MAGI1: variants seen among roughly 807,000 people sequenced by gnomAD.
MAGI1 encodes membrane associated guanylate kinase, WW and PDZ domain containing 1.
In MAGI1, 58 loss-of-function variants were observed where a neutral mutation model predicts 139.9. The ratio of observed to expected loss-of-function variants is 0.41; its 90% CI spans 0.34 to 0.52. The LOEUF is 0.52. MAGI1 is among the 20% of genes least tolerant of loss of function. The pLI is 0.12. For missense variants in MAGI1, 1,874 were observed against 1,901.6 expected (o/e 0.99, Z 0.27); for synonymous variants, 812 against 737.9 (o/e 1.10, Z -1.63).
Position 65,827,276 on chromosome 3 carries a change from T to G in MAGI1, c.314-205188A>C, listed in dbSNP as rs146329019. Among the ~76,000 whole-genome samples the G allele has an allele frequency of 6.0e-3, 917 of 152,264 alleles. 7 individuals are homozygous for G. Among genetic ancestry groups the G allele is most frequent in the Middle Eastern group, 0.014 (4 of 294 alleles). On this transcript the variant is annotated intron_variant, in intron 1 of 22. Transcript: ENST00000402939. ...CCAAGAGCCTAAGAGACTTTCAGAA[T>G]GTCGAAAGTTGATGCCAAATTGGGA... is the stretch of plus-strand genomic sequence containing the variant.
intron 1 of MAGI1, among the ~76,000 whole-genome samples, chr3:65,795,813 A>G (rs1386702026): frequency 1.3e-5 from 2 of 151,652 alleles, no homozygotes; most frequent in African/African-American, 4.8e-5. Flanking sequence ...CACTTTGGGA[A>G]GCCTAGGCAG....
At chr3:66,035,682 G>A (rs748719776) in intron 1 of MAGI1, among the ~76,000 whole-genome samples, 13 of 151,962 alleles carry the variant, frequency 8.6e-5, no homozygotes, top group Non-Finnish European at 1.8e-4. Context: ...GTAGATTCAC[G>A]TACATCCATC....
chr3:65,482,339 G>C (rs1024986934), intron 3 of MAGI1, among the ~76,000 whole-genome samples: 1 of 152,198 alleles, frequency 6.6e-6, no homozygotes, highest in African/African-American at 2.4e-5. Flanking sequence ...GCTACCTAAA[G>C]TTGCTATCAC....
intron 5 of MAGI1, among the ~76,000 whole-genome samples, chr3:65,454,105 G>C (rs1203342046): frequency 1.3e-5 from 2 of 152,148 alleles, no homozygotes; most frequent in African/African-American, 4.8e-5. Context: ...AGAATGGTTG[G>C]AAGCATTCAG....
At chr3:65,506,918 T>C (rs1158770091) in intron 2 of MAGI1, among the ~76,000 whole-genome samples, 1 of 152,184 alleles carries the variant, frequency 6.6e-6, no homozygotes, top group African/African-American at 2.4e-5. Context: ...AACAAATACA[T>C]TCGTTCTCAG....
In MAGI1 at chr3:65,428,841, T is replaced by A. The variant is rs368194909; in HGVS notation, c.2167+679A>T. On this transcript the variant is annotated intron_variant, in intron 12 of 22. Transcript: ENST00000402939. ...TTGGGAGCTACTTTAGATAAAGTGA[T>A]GGGAGAAGCCCTCTCTCATAAGGAG... 3.9e-5 allele frequency among the ~76,000 whole-genome samples: 6 copies of A among 152,302 alleles called. No homozygotes were observed. In the East Asian group the frequency reaches 1.2e-3, roughly 29 times the overall value.
At chr3:65,760,275 T>C (rs1016893700) in intron 1 of MAGI1, among the ~76,000 whole-genome samples, 2 of 151,934 alleles carry the variant, frequency 1.3e-5, no homozygotes, top group African/African-American at 4.8e-5. Flanking sequence ...CACTAGATAC[T>C]GCTCTAAGAG....
intron 1 of MAGI1, among the ~76,000 whole-genome samples, chr3:65,793,246 C>G (rs2039907032): frequency 6.6e-6 from 1 of 152,152 alleles, no homozygotes; most frequent in African/African-American, 2.4e-5. Context: ...CCAGTTTAGC[C>G]AGGATAGATG....
At chr3:65,690,897 G>C (rs2088571344) in intron 1 of MAGI1, among the ~76,000 whole-genome samples, 2 of 152,104 alleles carry the variant, frequency 1.3e-5, no homozygotes, top group African/African-American at 4.8e-5. Context: ...CTGAGCAAAA[G>C]AAATTCTGAC....
At chr3:65,555,798 AGTG>A in intron 2 of MAGI1, among the ~76,000 whole-genome samples, 1 of 152,286 alleles carries the variant, frequency 6.6e-6, no homozygotes, top group Admixed American at 6.5e-5. Flanking sequence ...TTGAGGCTAC[AGTG>A]AGCCATGTTC....
chr3:65,768,356 G>T (rs764440119), intron 1 of MAGI1, among the ~76,000 whole-genome samples: 3 of 152,072 alleles, frequency 2.0e-5, no homozygotes, highest in Admixed American at 6.6e-5. Flanking sequence ...GAAGGCAGAG[G>T]TTGCAGTGAG....
chr3:65,454,838 C>G (rs1220223683), intron 5 of MAGI1, among the ~76,000 whole-genome samples: 1 of 152,020 alleles, frequency 6.6e-6, no homozygotes, highest in Non-Finnish European at 1.5e-5. Flanking sequence ...ACCACCATCA[C>G]CACCACGTAT....
chr3:65,557,230 G>T (rs998577303), intron 2 of MAGI1, among the ~76,000 whole-genome samples: 1 of 152,198 alleles, frequency 6.6e-6, no homozygotes, highest in Non-Finnish European at 1.5e-5. Context: ...TAGGTTATAA[G>T]ACACTGTCCC....
At chr3:65,911,075 G>A (rs2061647602) in intron 1 of MAGI1, among the ~76,000 whole-genome samples, 1 of 151,092 alleles carries the variant, frequency 6.6e-6, no homozygotes, top group African/African-American at 2.4e-5. Context: ...TCAGGCTGGT[G>A]TCGAACTCCT....
intron 1 of MAGI1, among the ~76,000 whole-genome samples, chr3:65,972,556 T>A (rs1403906844): frequency 1.3e-5 from 2 of 152,194 alleles, no homozygotes; most frequent in African/African-American, 4.8e-5. Flanking sequence ...GCCAGAGCCA[T>A]TTCACTTCCT....
intron 1 of MAGI1, among the ~76,000 whole-genome samples, chr3:65,917,851 C>A (rs768237542): frequency 2.0e-5 from 3 of 152,150 alleles, no homozygotes; most frequent in Non-Finnish European, 4.4e-5. Context: ...ATGGTGGACA[C>A]GTGTCATTAC....
intron 1 of MAGI1, among the ~76,000 whole-genome samples, chr3:65,986,130 T>C (rs1054111719): frequency 2.0e-5 from 3 of 152,228 alleles, no homozygotes; most frequent in African/African-American, 4.8e-5. Context: ...TGATTGATCA[T>C]GGTGCCTCTT....
chr3:65,357,065 G>A lies in MAGI1; in HGVS notation c.3702C>T (p.Pro1234=). 6.2e-7 allele frequency: 1 copy of A among 1,614,132 alleles called. No homozygotes were observed. Among genetic ancestry groups the A allele is most frequent in the Non-Finnish European group, 8.5e-7 (1 of 1,180,026 alleles). Residue 1234 remains proline, a synonymous_variant, in exon 23 of 23, where the codon CCC becomes CCT. Transcript: ENST00000402939. ...PQGVPEVRAG[P]DRRQHPSLES... is the part of the protein sequence containing the mutation. ...CCAATGACGGATGCTGCCGGCGGTC[G>A]GGCCCGGCCCTCACTTCCGGAACAC...
chr3:65,765,935 A>G (rs1256130957), intron 1 of MAGI1, among the ~76,000 whole-genome samples: 2 of 152,232 alleles, frequency 1.3e-5, no homozygotes, highest in Non-Finnish European at 2.9e-5. Flanking sequence ...TCACCAAAAC[A>G]TCTGCTGACC....
Sources: gnomAD v4.1 joint callset for allele counts (sites outside exome capture counted in the v4.1 genomes callset) on GRCh38, gnomAD v4.1.1 for gene constraint, MANE v1.5 for transcripts, NCBI Gene and HGNC (gene_info 2026-07-23, HGNC 2026-07-21) for gene names.